Variants in FYB1 observed in about 807,000 individuals in gnomAD.
FYB1 encodes the protein FYN-binding protein 1.
FYB1 carries 41 observed loss-of-function variants against 94.1 expected under a neutral mutation model. The observed-to-expected ratio is 0.44, with a 90% CI of 0.34 to 0.57. The LOEUF (loss-of-function observed/expected upper bound fraction) is 0.57. Ranked by LOEUF, FYB1 falls within the 20% of genes least tolerant of loss-of-function variation. The pLI, the probability that FYB1 is intolerant of heterozygous loss-of-function variation, is 0.02. For synonymous variants in FYB1, 367 were observed against 353.2 expected, an observed-to-expected ratio of 1.04 and a Z score of -0.44; for missense variants, 1,050 against 976.8, an observed-to-expected ratio of 1.07 and a Z score of -1.00.
upstream of FYB1, among the ~76,000 whole-genome samples, chr5:39,222,968 T>C (rs919328921): frequency 6.6e-6 from 1 of 151,758 alleles, no homozygotes; most frequent in South Asian, 2.1e-4. Flanking sequence ...GGGAGGGCAA[T>C]GGAGGGGAGA....
chr5:39,137,202 C>T (rs1580357683), intron 7 of FYB1, among the ~76,000 whole-genome samples: 1 of 152,230 alleles, frequency 6.6e-6, no homozygotes, highest in Non-Finnish European at 1.5e-5. Context: ...GTCTGGTTCA[C>T]CCTGGAGGCA....
intron 1 of FYB1, among the ~76,000 whole-genome samples, chr5:39,218,580 T>C (rs111318148): frequency 0.017 from 2,521 of 152,288 alleles, 37 homozygotes; most frequent in Admixed American, 0.026. Flanking sequence ...ACTCAAAAAG[T>C]GTATATAGTT....
chr5:39,139,114 A>G, intron 5 of FYB1, 119 bp downstream of exon 5: 4 of 1,066,740 alleles, frequency 3.7e-6, no homozygotes, highest in Non-Finnish European at 5.2e-6. Context: ...GAAATGGAAA[A>G]ATATCATTGC....
rs1740649629 is a variant in FYB1 at position 39,126,138 on chromosome 5, T to A, written c.1908-3A>T. On this transcript the variant is annotated splice_region_variant and splice_polypyrimidine_tract_variant and intron_variant, in intron 11 of 18. Coordinates refer to ENST00000512982, the MANE Select transcript of FYB1 (RefSeq NM_001465.6). ...TCTCTTGAACCTGTAGTGTGGAGCT[T>A]TGGAGCATGCAGGCATTGATCAGAA... 2 of 1,613,044 alleles carry A rather than the reference T, an allele frequency of 1.2e-6. No individual in the cohort carries two copies. Among genetic ancestry groups the A allele is most frequent in the Non-Finnish European group, 1.7e-6 (2 of 1,179,476 alleles).
intron 18 of FYB1, among the ~76,000 whole-genome samples, chr5:39,107,728 T>G (rs1017125052): frequency 2.0e-5 from 3 of 152,048 alleles, no homozygotes; most frequent in African/African-American, 7.2e-5. Flanking sequence ...CTTAGTCATA[T>G]ACTTTTTGGT....
chr5:39,235,442 CAG>C (rs969308801), intron 1 of FYB1, among the ~76,000 whole-genome samples: 1 of 152,076 alleles, frequency 6.6e-6, no homozygotes, highest in African/African-American at 2.4e-5. Flanking sequence ...GTTGTCCAAA[CAG>C]GGGCAGAGGG....
At chr5:39,245,119 T>TAA (rs10629000) in intron 1 of FYB1, among the ~76,000 whole-genome samples, 25,499 of 151,994 alleles carry the variant, frequency 0.17, 5,708 homozygotes, top group African/African-American at 0.49. Flanking sequence ...GAATTAATCA[T>TAA]GAGTTATGTG....
intron 2 of FYB1, among the ~76,000 whole-genome samples, chr5:39,179,811 C>T (rs1261838988): frequency 1.3e-5 from 2 of 152,080 alleles, no homozygotes; most frequent in Admixed American, 1.3e-4. Flanking sequence ...TCTCCAGGGG[C>T]CTGCACATGC....
At position 39,169,880 on chromosome 5, in the gene FYB1, C is replaced by T. The variant is rs980873149; in HGVS notation, c.1136-16276G>A. 3 of 577,058 alleles carry T rather than the reference C, an allele frequency of 5.2e-6. No individual in the cohort carries two copies. In the African/African-American group the frequency reaches 5.7e-5, roughly 11 times the overall value. The allele number at this position is 577,058 out of a possible 1,614,324, so 35.7% of individuals were successfully genotyped here. A position where few individuals can be genotyped will look rare whatever the true frequency, so the allele number is the denominator to read the frequency against. ...CTTGACGTCCAAGAACTCTGAAAGA[C>T]AGGTGTCTTTCCTTTTTCCTTTTTG... On this transcript the variant is annotated intron_variant, in intron 2 of 18. Coordinates refer to ENST00000512982, the MANE Select transcript of FYB1 (RefSeq NM_001465.6).
intron 1 of FYB1, among the ~76,000 whole-genome samples, chr5:39,227,805 G>A (rs80082312): frequency 6.6e-6 from 1 of 152,060 alleles, no homozygotes; most frequent in East Asian, 1.9e-4. Flanking sequence ...TTAATAACAC[G>A]CATAAAGCTT....
At chr5:39,255,433 T>TTTG (rs1332539287) in intron 1 of FYB1, among the ~76,000 whole-genome samples, 1 of 151,782 alleles carries the variant, frequency 6.6e-6, no homozygotes, top group African/African-American at 2.4e-5. Context: ...TTCACCTGTT[T>TTTG]TTTTTTTTTT....
intron 3 of FYB1, among the ~76,000 whole-genome samples, chr5:39,145,586 T>A (rs1199208773): frequency 2.6e-5 from 4 of 152,184 alleles, no homozygotes; most frequent in Non-Finnish European, 5.9e-5. Context: ...AATAGGCCTT[T>A]GCATTACTAA....
intron 2 of FYB1, among the ~76,000 whole-genome samples, chr5:39,177,406 C>T (rs1302542026): frequency 6.6e-6 from 1 of 152,148 alleles, no homozygotes; most frequent in Non-Finnish European, 1.5e-5. Flanking sequence ...TGGTCTAATT[C>T]AACCTTCACA....
chr5:39,137,184 T>A (rs1018808946), intron 7 of FYB1, among the ~76,000 whole-genome samples: 1 of 152,182 alleles, frequency 6.6e-6, no homozygotes, highest in African/African-American at 2.4e-5. Context: ...AATCTTATTC[T>A]GAGACAGGTC....
intron 14 of FYB1, among the ~76,000 whole-genome samples, chr5:39,120,976 T>A (rs1740039782): frequency 6.6e-6 from 1 of 151,998 alleles, no homozygotes; most frequent in African/African-American, 2.4e-5. Context: ...TAAAAAAATT[T>A]ATTGAAATTT....
chr5:39,202,059 T>G lies in FYB1; in HGVS notation c.902A>C (p.Gln301Pro). 6.2e-7 allele frequency: 1 copy of G among 1,614,058 alleles called. No individual in the cohort carries two copies. The highest frequency in any genetic ancestry group is 8.5e-7 in the Non-Finnish European group (1 of 1,179,886). The change falls in exon 2 of 19, where the codon CAG becomes CCG. Residue 301 changes from glutamine (Q) to proline (P), a missense_variant. Coordinates refer to ENST00000512982, the MANE Select transcript of FYB1 (RefSeq NM_001465.6). ...AKNTFQSKIN[Q>P]EELASGTPPA... is the part of the protein sequence containing the mutation. The stretch of plus-strand genomic sequence containing the variant: ...AGGAGTCCCTGAGGCCAACTCTTCC[T>G]GATTTATTTTGCTCTGGAAGGTGTT...
chr5:39,210,727 C>G (rs778273320), intron 1 of FYB1, among the ~76,000 whole-genome samples: 3 of 152,174 alleles, frequency 2.0e-5, no homozygotes, highest in Non-Finnish European at 4.4e-5. Context: ...ATACGACTTT[C>G]TAGCCAGGCA....
intron 3 of FYB1, among the ~76,000 whole-genome samples, chr5:39,152,926 A>T (rs1743373501): frequency 6.6e-6 from 1 of 152,190 alleles, no homozygotes; most frequent in African/African-American, 2.4e-5. Context: ...TTTATTCTAC[A>T]CTATTTTGTG....
At chr5:39,117,014 T>G (rs562967305) in intron 16 of FYB1, among the ~76,000 whole-genome samples, 2 of 152,134 alleles carry the variant, frequency 1.3e-5, no homozygotes, top group Non-Finnish European at 2.9e-5. Flanking sequence ...GGGCAAGATA[T>G]GTAGAAGCTT....
Sources: gnomAD v4.1 joint callset for allele counts (sites outside exome capture counted in the v4.1 genomes callset) on GRCh38, gnomAD v4.1.1 for gene constraint, MANE v1.5 for transcripts, NCBI Gene and HGNC (gene_info 2026-07-23, HGNC 2026-07-21) for gene names.